The following MORN1 variants were observed in gnomAD, a reference collection of about 807,000 sequenced individuals.
MORN1 encodes the protein MORN repeat-containing protein 1.
In MORN1, 67 loss-of-function variants were observed where a neutral mutation model predicts 61.9. The ratio of observed to expected loss-of-function variants is 1.08; its 90% CI spans 0.89 to 1.33. MORN1 has a LOEUF of 1.33. Among genes scored for constraint, MORN1 ranks in the 40% most tolerant of loss-of-function variants. The probability of loss-of-function intolerance (pLI) is 0.00; values close to 1 mark genes in which losing one functional copy is unlikely to be tolerated. For missense variants in MORN1, 752 were observed against 691.2 expected (o/e 1.09, Z -0.99); for synonymous variants, 301 against 292.0 (o/e 1.03, Z -0.31).
In MORN1 at chr1:2,336,881, GA is replaced by G. The variant is rs1557871211; in HGVS notation, c.1037-32del. The G allele has an allele frequency of 2.0e-6, 3 of 1,525,408 alleles. No homozygotes were observed. The East Asian group carries it at 6.9e-5, about 35-fold the overall frequency. 94.5% of individuals were successfully genotyped at this position (1,525,408 alleles called of 1,614,324 possible). A position where few individuals can be genotyped will look rare whatever the true frequency, so the allele number is the denominator to read the frequency against. ...GAGACAGAATGAAGAAAGACCCTAT[GA>G]GGGGCTCAGGGCGGAGACGGAGGGA... On this transcript the variant is annotated intron_variant, in intron 10 of 13. Coordinates refer to ENST00000378531, the MANE Select transcript of MORN1 (RefSeq NM_024848.3).
intron 10 of MORN1, among the ~76,000 whole-genome samples, chr1:2,347,209 A>G (rs2843133): frequency 0.81 from 122,527 of 152,154 alleles, 49,462 homozygotes; most frequent in South Asian, 0.91. Context: ...GTGGCAGGGG[A>G]CACGTCCCCT....
At position 2,336,857 on chromosome 1, in the gene MORN1, A is replaced by T. The variant is rs371008247; in HGVS notation, c.1037-7T>A. 46 of 1,553,056 alleles carry T rather than the reference A, an allele frequency of 3.0e-5. No individual in the cohort carries two copies. The highest frequency in any genetic ancestry group is 3.8e-5 in the Non-Finnish European group (44 of 1,152,484). The stretch of plus-strand genomic sequence containing the variant: ...TGGGGCGCATGTCCCCTGGCTGAGG[A>T]GACAGAATGAAGAAAGACCCTATGA... On this transcript the variant is annotated splice_polypyrimidine_tract_variant and splice_region_variant and intron_variant, in intron 10 of 13. Transcript: ENST00000378531.
intron 10 of MORN1, among the ~76,000 whole-genome samples, chr1:2,343,675 G>A (rs879342457): frequency 3.9e-5 from 6 of 152,180 alleles, no homozygotes; most frequent in Admixed American, 6.5e-5. Flanking sequence ...GCTGTCCTGG[G>A]CTCTCAGATA....
rs59233224 is a variant in MORN1 at position 2,359,882 on chromosome 1, C to CAAA, written c.746-1170_746-1168dup. 2.4e-3 allele frequency among the ~76,000 whole-genome samples: 326 copies of CAAA among 136,494 alleles called. 1 individual carries two copies. The highest frequency in any genetic ancestry group is 2.9e-3 in the African/African-American group (108 of 37,356). 89.5% of individuals were successfully genotyped at this position (136,494 alleles called of 152,430 possible). On this transcript the variant is annotated intron_variant, in intron 8 of 13. Transcript: ENST00000378531. Reference sequence around the variant, plus strand: ...AGGGCGACAGAGAGAGACTCCGTCTCAAAAAAAAAAAAAGGGAAACAAAAG... The same window carrying CAAA: ...AGGGCGACAGAGAGAGACTCCGTCTCAAAAAAAAAAAAAAAAGGGAAACAAAAG...
intron 8 of MORN1, among the ~76,000 whole-genome samples, chr1:2,360,278 G>A (rs995300100): frequency 2.0e-5 from 3 of 152,180 alleles, no homozygotes; most frequent in Non-Finnish European, 4.4e-5. Flanking sequence ...AAACACTAGC[G>A]TAGCCTGCTG....
intron 3 of MORN1, chr1:2,387,950 C>G: frequency 4.5e-6 from 2 of 446,566 alleles, no homozygotes; most frequent in Non-Finnish European, 8.0e-6. Context: ...GAGCTGGTTT[C>G]CCATCTAGGG....
intron 12 of MORN1, 140 bp from the exon 13 acceptor site, chr1:2,324,283 G>A (rs932571335): frequency 2.4e-6 from 2 of 817,764 alleles, no homozygotes; most frequent in Admixed American, 5.1e-5. Flanking sequence ...CCCCACCTCG[G>A]GGCCATGGGC....
chr1:2,363,039 AGCAATGTGGGTCAACAGAAGAGACT>A (rs1641923817), intron 8 of MORN1: 1 of 152,350 alleles, frequency 6.6e-6, no homozygotes, highest in South Asian at 2.1e-4. Context: ...CAGAAGCCAC[AGCAATGTGGGTCAACAGAAGAGACT>A]GCTTACTGTT....
At position 2,344,216 on chromosome 1, in the gene MORN1, C is replaced by T. The variant is rs544386839; in HGVS notation, c.1037-7366G>A. Among the ~76,000 whole-genome samples, 100 of 152,288 alleles carry T rather than the reference C, an allele frequency of 6.6e-4. 3 individuals are homozygous for T. In the South Asian group the frequency reaches 0.019, roughly 28 times the overall value. On this transcript the variant is annotated intron_variant, in intron 10 of 13. Coordinates refer to ENST00000378531, the MANE Select transcript of MORN1 (RefSeq NM_024848.3). ...CAGGCGGCCTTAGGGGCCCTTCTTG[C>T]GAGAGCGGCATCACCTGAGGGCTGG...
chr1:2,347,906 G>A (rs1172529413), intron 10 of MORN1, among the ~76,000 whole-genome samples: 1 of 152,218 alleles, frequency 6.6e-6, no homozygotes, highest in Non-Finnish European at 1.5e-5. Context: ...CTGAAAGTCC[G>A]CTGCTGAATT....
At chr1:2,340,213 T>C (rs1019961655) in intron 10 of MORN1, among the ~76,000 whole-genome samples, 1 of 152,084 alleles carries the variant, frequency 6.6e-6, no homozygotes, top group African/African-American at 2.4e-5. Context: ...CACCCCTCTT[T>C]GGGTGGTCAC....
chr1:2,389,748 C>T (rs1438771463), intron 2 of MORN1, among the ~76,000 whole-genome samples, 177 bp downstream of exon 2: 1 of 152,208 alleles, frequency 6.6e-6, no homozygotes. Flanking sequence ...GGGGGTCTCC[C>T]AGGCCTCTGT....
At chr1:2,385,974 T>G in intron 4 of MORN1, 77 bp from the exon 5 acceptor site, 1 of 1,321,028 alleles carries the variant, frequency 7.6e-7, no homozygotes. Flanking sequence ...CTCCGCTCCT[T>G]GGAGGGCGGG....
rs1181261600 is a variant in MORN1, at chr1:2,336,997, G to A, written c.1037-147C>T. The A allele has an allele frequency of 8.1e-6, 8 of 985,086 alleles. No homozygotes were observed. In the Admixed American group the frequency reaches 3.0e-4, roughly 37 times the overall value. The allele number at this position is 985,086 out of a possible 1,614,324, so 61.0% of individuals were successfully genotyped here. A position where few individuals can be genotyped will look rare whatever the true frequency, so the allele number is the denominator to read the frequency against. On this transcript the variant is annotated intron_variant, in intron 10 of 13. Transcript: ENST00000378531. ...TGCCATCTTGGTGGGGGCAGGTCAG[G>A]GGGCAGGGACTGTCCATCCTGGGTG...
chr1:2,331,392 C>G (rs1170696944), intron 12 of MORN1, among the ~76,000 whole-genome samples: 1 of 152,254 alleles, frequency 6.6e-6, no homozygotes, highest in East Asian at 1.9e-4. Flanking sequence ...CTCCCAGGGG[C>G]TCCCTGACAT....
At chr1:2,385,969 C>A (rs903495132) in intron 4 of MORN1, 72 bp from the exon 5 acceptor site, 8 of 1,366,706 alleles carry the variant, frequency 5.9e-6, no homozygotes, top group Non-Finnish European at 8.4e-6. Flanking sequence ...CTGCCCTCCG[C>A]TCCTTGGAGG....
rs965403454 is a variant in MORN1, at chr1:2,336,641, G to A, written c.1170+76C>T. On this transcript the variant is annotated intron_variant, in intron 11 of 13. Coordinates refer to ENST00000378531, the MANE Select transcript of MORN1 (RefSeq NM_024848.3). ...AACCCCCCTGGGGCACACATGGCCT[G>A]GGTGTTGAGGTGGTGGGTGGGCAGG... The A allele has an allele frequency of 1.9e-6, 3 of 1,575,150 alleles. No individual in the cohort carries two copies. In the African/African-American group the frequency reaches 4.0e-5, roughly 21 times the overall value.
chr1:2,341,283 C>T (rs1006267883), intron 10 of MORN1, among the ~76,000 whole-genome samples: 13 of 152,284 alleles, frequency 8.5e-5, no homozygotes, highest in African/African-American at 2.9e-4. Context: ...GGTGCCTGGC[C>T]GAGCCAACTT....
rs140953451 is a variant in MORN1 at position 2,342,668 on chromosome 1, C to T, written c.1037-5818G>A. Among the ~76,000 whole-genome samples the T allele has an allele frequency of 9.5e-3, 1,440 of 152,024 alleles. 24 individuals are homozygous for T. The highest frequency in any genetic ancestry group is 0.033 in the African/African-American group (1,348 of 41,462). ...CCCTCACCCTTCTCACCTCCCACAC[C>T]GCAGACATGGCTCTGCTGACCCAAG... On this transcript the variant is annotated intron_variant, in intron 10 of 13. Transcript: ENST00000378531.
Sources: allele counts gnomAD v4.1 joint callset (sites outside exome capture counted in the v4.1 genomes callset), GRCh38; gene constraint gnomAD v4.1.1; transcripts MANE v1.5; gene names NCBI Gene and HGNC (gene_info 2026-07-23, HGNC 2026-07-21).